BBS9: variants seen among roughly 807,000 people sequenced by gnomAD.
BBS9 encodes protein PTHB1.
In BBS9, 89 loss-of-function variants were observed where a neutral mutation model predicts 117.7. The ratio of observed to expected loss-of-function variants is 0.76; its 90% CI spans 0.64 to 0.90. The LOEUF is 0.90. BBS9 is among the 40% of genes least tolerant of loss of function. The pLI is 0.00. For synonymous variants in BBS9, 379 were observed against 370.9 expected (o/e 1.02, Z -0.25); for missense variants, 982 against 1,042.2 (o/e 0.94, Z 0.80).
At chr7:33,226,612 CA>C (rs1460803584) in intron 5 of BBS9, among the ~76,000 whole-genome samples, 1 of 152,098 alleles carries the variant, frequency 6.6e-6, no homozygotes, top group Non-Finnish European at 1.5e-5. Flanking sequence ...CAGCATTATT[CA>C]CAATAGCCAA....
intron 21 of BBS9, among the ~76,000 whole-genome samples, chr7:33,589,026 C>T (rs868451406): frequency 5.9e-5 from 9 of 152,090 alleles, no homozygotes; most frequent in Non-Finnish European, 1.3e-4. Context: ...CCTTTTAAAA[C>T]GATCACGGGT....
In BBS9 at chr7:33,470,088, G is replaced by C. The variant is rs541347196; in HGVS notation, c.2116-35375G>C. On this transcript the variant is annotated intron_variant, in intron 19 of 22. Coordinates refer to ENST00000242067, the MANE Select transcript of BBS9 (RefSeq NM_198428.3). ...TCTTCGAGGGTAGAGGCCATGTCTT[G>C]CTCATCTTTGGAATTGAGGACTTAC... Among the ~76,000 whole-genome samples, 6 of 152,280 alleles carry C rather than the reference G, an allele frequency of 3.9e-5. No individual in the cohort carries two copies. The South Asian group carries it at 6.2e-4, about 16-fold the overall frequency.
chr7:33,481,425 G>A (rs1394336252), intron 19 of BBS9, among the ~76,000 whole-genome samples: 1 of 152,152 alleles, frequency 6.6e-6, no homozygotes, highest in Admixed American at 6.5e-5. Context: ...ATAAGGGTAG[G>A]AAAAGGTCAG....
intron 16 of BBS9, among the ~76,000 whole-genome samples, chr7:33,365,251 C>T (rs1349330769): frequency 6.6e-6 from 1 of 152,062 alleles, no homozygotes; most frequent in Non-Finnish European, 1.5e-5. Flanking sequence ...TTTCTTGTTG[C>T]CATACTTTGA....
At chr7:33,304,182 G>A (rs1320035295) in intron 9 of BBS9, among the ~76,000 whole-genome samples, 38 of 146,282 alleles carry the variant, frequency 2.6e-4, no homozygotes, top group African/African-American at 7.4e-4. Context: ...AGTGAGGAGC[G>A]TTTCTGCCTG....
chr7:33,516,487 CAAAAAAAAA>C (rs61006845), intron 20 of BBS9, among the ~76,000 whole-genome samples: 43 of 51,520 alleles, frequency 8.3e-4, no homozygotes, highest in Middle Eastern at 0.017. Flanking sequence ...ATTTCATCTC[CAAAAAAAAA>C]AAAAAAAAAA....
At chr7:33,355,185 A>G (rs973470486) in intron 15 of BBS9, among the ~76,000 whole-genome samples, 2 of 151,950 alleles carry the variant, frequency 1.3e-5, no homozygotes, top group African/African-American at 2.4e-5. Context: ...TTCCTTCTCT[A>G]TTACAAACAC....
At chr7:33,609,578 G>A (rs1428237992), downstream of BBS9, among the ~76,000 whole-genome samples, 1 of 152,004 alleles carries the variant, frequency 6.6e-6, no homozygotes, top group African/African-American at 2.4e-5. Context: ...ATTCTTAACA[G>A]GCAAGAAATT....
chr7:33,448,890 A>AT (rs982762842), intron 19 of BBS9, among the ~76,000 whole-genome samples: 2 of 152,314 alleles, frequency 1.3e-5, no homozygotes, highest in Non-Finnish European at 2.9e-5. Flanking sequence ...ATTTGTATCA[A>AT]TTTTTTCTAA....
At chr7:33,297,326 AC>A (rs1805477762) in intron 9 of BBS9, among the ~76,000 whole-genome samples, 1 of 152,200 alleles carries the variant, frequency 6.6e-6, no homozygotes, top group Non-Finnish European at 1.5e-5. Flanking sequence ...AAAACTGTAA[AC>A]CATTGCTATG....
chr7:33,625,131 T>C (rs371050753), intron 21 of BBS9, among the ~76,000 whole-genome samples: 10 of 152,172 alleles, frequency 6.6e-5, no homozygotes, highest in African/African-American at 2.2e-4. Flanking sequence ...TGTTTTGTCA[T>C]TTTTTTGTTT....
At chr7:33,532,723 G>A (rs906085163) in intron 20 of BBS9, among the ~76,000 whole-genome samples, 1 of 152,130 alleles carries the variant, frequency 6.6e-6, no homozygotes, top group Non-Finnish European at 1.5e-5. Flanking sequence ...TGAAGCTTGG[G>A]AGTAACCTTA....
intron 1 of BBS9, among the ~76,000 whole-genome samples, chr7:33,138,501 G>A (rs1790917130): frequency 6.6e-6 from 1 of 151,124 alleles, no homozygotes; most frequent in African/African-American, 2.4e-5. Flanking sequence ...AAGCTTTTGA[G>A]TGATACAGAT....
At position 33,404,774 on chromosome 7, in the gene BBS9, G is replaced by A. The variant is rs574139923; in HGVS notation, c.2115+16630G>A. ...GACAATGGGGTTTTCTAGATATACA[G>A]TCATGTCGTCTGCAAACAGGGACAA... is the stretch of plus-strand genomic sequence containing the variant. On this transcript the variant is annotated intron_variant, in intron 19 of 22. Transcript: ENST00000242067. Among the ~76,000 whole-genome samples, 707 of 151,806 alleles carry A rather than the reference G, an allele frequency of 4.7e-3. 4 individuals are homozygous for A. Among genetic ancestry groups the A allele is most frequent in the African/African-American group, 0.015 (636 of 41,300 alleles).
intron 9 of BBS9, among the ~76,000 whole-genome samples, chr7:33,297,446 CG>C (rs1805502828): frequency 6.6e-6 from 1 of 152,076 alleles, no homozygotes; most frequent in African/African-American, 2.4e-5. Flanking sequence ...CAGTCTTTAG[CG>C]GTGGGTGACT....
At chr7:33,250,646 T>C (rs6952244) in intron 5 of BBS9, among the ~76,000 whole-genome samples, 17,210 of 152,282 alleles carry the variant, frequency 0.11, 1,152 homozygotes, top group African/African-American at 0.18. Context: ...GATCAATCTC[T>C]ACATATTTCT....
chr7:33,498,439 G>A (rs1436426655), intron 19 of BBS9, among the ~76,000 whole-genome samples: 1 of 152,108 alleles, frequency 6.6e-6, no homozygotes, highest in Non-Finnish European at 1.5e-5. Flanking sequence ...AATTACCATA[G>A]TCTAATTTTA....
chr7:33,411,310 A>G (rs1031041852), intron 19 of BBS9, among the ~76,000 whole-genome samples: 3 of 152,182 alleles, frequency 2.0e-5, no homozygotes, highest in African/African-American at 7.2e-5. Flanking sequence ...TTCAGTCATG[A>G]GTAGAACAAG....
At chr7:33,548,503 C>G (rs182892002) in intron 21 of BBS9, among the ~76,000 whole-genome samples, 12,598 of 123,288 alleles carry the variant, frequency 0.1, 657 homozygotes, top group Middle Eastern at 0.16. Flanking sequence ...CCCCCTCCCC[C>G]CACCCCACCA....
Sources: gnomAD v4.1 joint callset for allele counts (sites outside exome capture counted in the v4.1 genomes callset) on GRCh38, gnomAD v4.1.1 for gene constraint, MANE v1.5 for transcripts, NCBI Gene and HGNC (gene_info 2026-07-23, HGNC 2026-07-21) for gene names.